The following CACNA2D1 variants were observed in gnomAD, a reference collection of about 807,000 sequenced individuals.
The protein encoded by CACNA2D1 is voltage-dependent calcium channel subunit alpha-2/delta-1.
CACNA2D1 carries 53 observed loss-of-function variants against 171.5 expected under a neutral mutation model. That is an observed-to-expected ratio of 0.31 (90% confidence interval 0.25 to 0.39). The LOEUF (loss-of-function observed/expected upper bound fraction) is 0.39, where lower values mean the gene tolerates loss of function less well. CACNA2D1 is among the 10% of genes least tolerant of loss of function. CACNA2D1 has a pLI of 1.00. For synonymous variants in CACNA2D1, 442 were observed against 443.1 expected (o/e 1.00, Z 0.03); for missense variants, 903 against 1,299.8 (o/e 0.69, Z 4.69).
At chr7:82,060,060 TAGG>T in intron 10 of CACNA2D1, among the ~76,000 whole-genome samples, 5 of 104,346 alleles carry the variant, frequency 4.8e-5, no homozygotes, top group African/African-American at 1.8e-4. Flanking sequence ...GACGAGTTAA[TAGG>T]TGCAGCACAG....
Position 82,111,932 on chromosome 7 carries a change from G to A in CACNA2D1, c.526+5112C>T, listed in dbSNP as rs149993895. Among the ~76,000 whole-genome samples the A allele has an allele frequency of 4.9e-4, 74 of 152,000 alleles. 1 individual carries two copies. Among genetic ancestry groups the A allele is most frequent in the African/African-American group, 1.8e-3 (74 of 41,444 alleles). On this transcript the variant is annotated intron_variant, in intron 6 of 38. Coordinates refer to ENST00000356860, the MANE Select transcript of CACNA2D1 (RefSeq NM_000722.4). ...AATCCATCAATAAATCAAAATATTT[G>A]TTAAATAAAATATGCCAAATACAGG...
At chr7:82,002,749 G>A (rs774665967) in intron 18 of CACNA2D1, among the ~76,000 whole-genome samples, 2 of 151,882 alleles carry the variant, frequency 1.3e-5, no homozygotes, top group African/African-American at 2.4e-5. Context: ...TTCAACATAC[G>A]TCAAAATGTG....
intron 1 of CACNA2D1, among the ~76,000 whole-genome samples, chr7:82,412,604 C>G (rs2129455541): frequency 6.6e-6 from 1 of 151,942 alleles, no homozygotes; most frequent in African/African-American, 2.4e-5. Flanking sequence ...ACTATTTAAA[C>G]CATTTCCTCT....
intron 4 of CACNA2D1, among the ~76,000 whole-genome samples, chr7:82,146,825 A>G (rs759160843): frequency 6.6e-6 from 1 of 151,114 alleles, no homozygotes; most frequent in Non-Finnish European, 1.5e-5. Flanking sequence ...TGCCTTTACT[A>G]AAATACAAAA....
At chr7:82,260,855 T>C (rs1806984215) in intron 3 of CACNA2D1, among the ~76,000 whole-genome samples, 1 of 152,184 alleles carries the variant, frequency 6.6e-6, no homozygotes, top group Non-Finnish European at 1.5e-5. Context: ...GTTTTCTAAA[T>C]GTAGGATTTT....
intron 3 of CACNA2D1, among the ~76,000 whole-genome samples, chr7:82,223,897 C>T (rs1303257635): frequency 6.6e-6 from 1 of 152,156 alleles, no homozygotes; most frequent in East Asian, 1.9e-4. Flanking sequence ...AAGACTCCAC[C>T]CCACTCCAAT....
chr7:82,129,819 T>C (rs1230462361), intron 5 of CACNA2D1, among the ~76,000 whole-genome samples: 1 of 152,216 alleles, frequency 6.6e-6, no homozygotes, highest in Non-Finnish European at 1.5e-5. Context: ...AAGTAGTCTT[T>C]CTTCCCCAAG....
chr7:82,005,927 T>A, intron 16 of CACNA2D1, 88 bp from the exon 17 acceptor site: 1 of 809,934 alleles, frequency 1.2e-6, no homozygotes, highest in Non-Finnish European at 2.2e-6. Flanking sequence ...TTGCTTGCAT[T>A]ATGGTTATAT....
intron 4 of CACNA2D1, among the ~76,000 whole-genome samples, chr7:82,141,321 T>C (rs566023239): frequency 6.6e-6 from 1 of 152,168 alleles, no homozygotes; most frequent in East Asian, 1.9e-4. Flanking sequence ...TTTATAGATA[T>C]GAGTTTTACT....
intron 1 of CACNA2D1, among the ~76,000 whole-genome samples, chr7:82,394,362 A>G (rs193294117): frequency 2.6e-5 from 4 of 152,264 alleles, no homozygotes; most frequent in African/African-American, 9.6e-5. Context: ...AAAAGACGAA[A>G]CAAAGGAAAA....
At position 81,971,779 on chromosome 7, in the gene CACNA2D1, A is replaced by G; in HGVS notation, c.2139T>C (p.Asn713=). Residue 713 remains asparagine, a splice_region_variant and synonymous_variant, in exon 26 of 39, where the codon AAT becomes AAC. Transcript: ENST00000356860. ...LVQNYWSKQK[N]IKGVKARFVV... is the part of the protein sequence containing the mutation. Reference sequence around the variant, plus strand: ...TATTAATAAGAACAAATACTTACATATTTTTCTGCTTACTCCAGTAATTTT... The same window carrying G: ...TATTAATAAGAACAAATACTTACATGTTTTTCTGCTTACTCCAGTAATTTT... The G allele has an allele frequency of 6.5e-7, 1 of 1,542,636 alleles. No individual in the cohort carries two copies. The highest frequency in any genetic ancestry group is 9.0e-7 in the Non-Finnish European group (1 of 1,115,860).
At chr7:82,116,667 A>G (rs1386224896) in intron 6 of CACNA2D1, among the ~76,000 whole-genome samples, 1 of 152,116 alleles carries the variant, frequency 6.6e-6, no homozygotes, top group African/African-American at 2.4e-5. Context: ...TTCTCCCTTT[A>G]CCCATTTATG....
intron 3 of CACNA2D1, among the ~76,000 whole-genome samples, chr7:82,171,303 CTT>C (rs1795993289): frequency 6.6e-6 from 1 of 152,048 alleles, no homozygotes; most frequent in African/African-American, 2.4e-5. Flanking sequence ...CTGCCAATCA[CTT>C]TTTATAAACT....
At chr7:82,205,764 C>A (rs974177508) in intron 3 of CACNA2D1, among the ~76,000 whole-genome samples, 6 of 152,078 alleles carry the variant, frequency 3.9e-5, no homozygotes, top group African/African-American at 1.4e-4. Context: ...TCATGTAATG[C>A]ATAATTGCTG....
At chr7:82,265,120 A>G (rs762112431) in intron 3 of CACNA2D1, among the ~76,000 whole-genome samples, 1 of 152,244 alleles carries the variant, frequency 6.6e-6, no homozygotes, top group African/African-American at 2.4e-5. Flanking sequence ...AGGAAAATCG[A>G]ACTGCATCTG....
intron 24 of CACNA2D1, among the ~76,000 whole-genome samples, chr7:81,979,886 G>C (rs1398884539): frequency 6.6e-6 from 1 of 151,934 alleles, no homozygotes; most frequent in African/African-American, 2.4e-5. Flanking sequence ...CTGTGTGCCA[G>C]CAATGGATTC....
intron 3 of CACNA2D1, among the ~76,000 whole-genome samples, chr7:82,177,835 A>G (rs566076855): frequency 6.6e-6 from 1 of 152,294 alleles, no homozygotes; most frequent in African/African-American, 2.4e-5. Flanking sequence ...GCTATAGGTT[A>G]GCAAGCCCAC....
At chr7:82,119,244 T>C (rs139580408) in intron 5 of CACNA2D1, among the ~76,000 whole-genome samples, 2 of 152,194 alleles carry the variant, frequency 1.3e-5, no homozygotes, top group African/African-American at 4.8e-5. Flanking sequence ...CAGACCACCA[T>C]ATACAAATGT....
At chr7:82,003,965 C>T (rs1798875479) in intron 18 of CACNA2D1, among the ~76,000 whole-genome samples, 1 of 151,902 alleles carries the variant, frequency 6.6e-6, no homozygotes, top group Non-Finnish European at 1.5e-5. Context: ...GGCTGGTCTC[C>T]AACTCCTGCC....
Sources: allele counts gnomAD v4.1 joint callset (sites outside exome capture counted in the v4.1 genomes callset), GRCh38; gene constraint gnomAD v4.1.1; transcripts MANE v1.5; gene names NCBI Gene and HGNC (gene_info 2026-07-23, HGNC 2026-07-21).